Variants in RUNX2 observed in about 807,000 individuals in gnomAD.
RUNX2 encodes the protein RUNX family transcription factor 2.
Under a neutral mutation model 51.7 loss-of-function variants are expected in RUNX2, and 10 were observed. The ratio of observed to expected loss-of-function variants is 0.19; its 90% CI spans 0.12 to 0.33. The LOEUF (loss-of-function observed/expected upper bound fraction) is 0.33, where lower values mean the gene tolerates loss of function less well. RUNX2 is among the 10% of genes least tolerant of loss of function. The probability of loss-of-function intolerance (pLI) is 1.00; values close to 1 mark genes in which losing one functional copy is unlikely to be tolerated. For synonymous variants in RUNX2, 276 were observed against 273.6 expected (o/e 1.01, Z -0.09); for missense variants, 562 against 691.3 (o/e 0.81, Z 2.10).
intron 3 of RUNX2, among the ~76,000 whole-genome samples, chr6:45,425,421 C>T (rs1453490921): frequency 6.6e-6 from 1 of 152,160 alleles, no homozygotes; most frequent in African/African-American, 2.4e-5. Context: ...GTTAATCACA[C>T]AGAGTACATT....
At chr6:45,405,922 C>T (rs1294948400) in intron 2 of RUNX2, among the ~76,000 whole-genome samples, 2 of 152,120 alleles carry the variant, frequency 1.3e-5, no homozygotes, top group Non-Finnish European at 2.9e-5. Context: ...CACCCTGTGC[C>T]TCTCACTTTC....
In RUNX2 at chr6:45,549,211, G is replaced by A. The variant is rs1250318786; in HGVS notation, c.*1906G>A. The A allele has an allele frequency of 2.0e-5, 8 of 398,326 alleles. No individual in the cohort carries two copies. Among genetic ancestry groups the A allele is most frequent in the Non-Finnish European group, 3.1e-5 (7 of 226,064 alleles). The allele number at this position is 398,326 out of a possible 1,614,324, so 24.7% of individuals were successfully genotyped here. On this transcript the variant is annotated 3_prime_UTR_variant, in exon 9 of 9. Coordinates refer to ENST00000647337, the MANE Select transcript of RUNX2 (RefSeq NM_001024630.4). ...CAGGCCAATCCCTGCTCTCCTCCCC[G>A]AAAAGTCAGGGTCCCTTCATTGGAA...
chr6:45,472,179 T>G (rs1799821988), intron 5 of RUNX2, among the ~76,000 whole-genome samples: 1 of 152,222 alleles, frequency 6.6e-6, no homozygotes, highest in African/African-American at 2.4e-5. Context: ...TCCCCTGGAT[T>G]GTTAAAAACA....
chr6:45,528,620 C>CAA (rs1244995164), intron 7 of RUNX2, among the ~76,000 whole-genome samples: 1 of 137,910 alleles, frequency 7.3e-6, no homozygotes, highest in Non-Finnish European at 1.6e-5. Context: ...GACTCTGTCT[C>CAA]AAAAAAAAAA....
At chr6:45,363,299 T>C (rs1315279161) in intron 2 of RUNX2, among the ~76,000 whole-genome samples, 1 of 152,184 alleles carries the variant, frequency 6.6e-6, no homozygotes, top group Non-Finnish European at 1.5e-5. Context: ...AGGACATCTG[T>C]TTTTAACTTT....
chr6:45,459,509 A>T (rs1163224713), intron 5 of RUNX2, among the ~76,000 whole-genome samples: 1 of 152,222 alleles, frequency 6.6e-6, no homozygotes, highest in Non-Finnish European at 1.5e-5. Flanking sequence ...TCCTGGAGAT[A>T]GTGCTATAAT....
intron 2 of RUNX2, among the ~76,000 whole-genome samples, chr6:45,415,301 A>G (rs1205029704): frequency 1.3e-5 from 2 of 152,240 alleles, no homozygotes; most frequent in African/African-American, 4.8e-5. Flanking sequence ...GAATACAGGA[A>G]TAACAGCATC....
chr6:45,520,403 G>A (rs975660908), intron 7 of RUNX2, among the ~76,000 whole-genome samples: 6 of 152,172 alleles, frequency 3.9e-5, no homozygotes, highest in African/African-American at 1.4e-4. Context: ...TGGTGGTCAT[G>A]CATACCAATT....
At chr6:45,379,832 C>A (rs1206482926) in intron 2 of RUNX2, among the ~76,000 whole-genome samples, 1 of 151,958 alleles carries the variant, frequency 6.6e-6, no homozygotes, top group Non-Finnish European at 1.5e-5. Context: ...CGCCGCTGCT[C>A]TCCAGCCTGG....
At chr6:45,376,340 G>A (rs1350107206) in intron 2 of RUNX2, among the ~76,000 whole-genome samples, 2 of 152,152 alleles carry the variant, frequency 1.3e-5, no homozygotes, top group Admixed American at 6.5e-5. Context: ...ATCAAGACTC[G>A]GAAGGACTCT....
chr6:45,402,426 G>T (rs1189601363), intron 2 of RUNX2, among the ~76,000 whole-genome samples: 1 of 152,114 alleles, frequency 6.6e-6, no homozygotes, highest in African/African-American at 2.4e-5. Flanking sequence ...GCCCTGAAAT[G>T]TTTTCATCCA....
intron 7 of RUNX2, among the ~76,000 whole-genome samples, chr6:45,543,551 G>A (rs1030803686): frequency 2.0e-5 from 3 of 152,132 alleles, no homozygotes; most frequent in Non-Finnish European, 4.4e-5. Flanking sequence ...TTTATATTTA[G>A]AAAATCAGAT....
intron 5 of RUNX2, among the ~76,000 whole-genome samples, chr6:45,439,654 CGT>C (rs1435263653): frequency 6.6e-6 from 1 of 151,442 alleles, no homozygotes; most frequent in Non-Finnish European, 1.5e-5. Context: ...AAACCATTTG[CGT>C]GTGTTTGTGT....
chr6:45,382,841 C>T (rs545352483), intron 2 of RUNX2, among the ~76,000 whole-genome samples: 7 of 152,262 alleles, frequency 4.6e-5, no homozygotes, highest in Non-Finnish European at 8.8e-5. Flanking sequence ...ATGATGGTAG[C>T]TTGTACTAGG....
chr6:45,536,800 A>T (rs373630559), intron 7 of RUNX2, among the ~76,000 whole-genome samples: 1 of 152,190 alleles, frequency 6.6e-6, no homozygotes, highest in African/African-American at 2.4e-5. Flanking sequence ...ATCTGAAAAC[A>T]TTGGGCTTTG....
At chr6:45,437,736 A>G (rs1798724656) in intron 4 of RUNX2, among the ~76,000 whole-genome samples, 1 of 152,178 alleles carries the variant, frequency 6.6e-6, no homozygotes, top group African/African-American at 2.4e-5. Context: ...CACTACAATG[A>G]GGACGATGAT....
chr6:45,352,322 C>G (rs1161023968), intron 2 of RUNX2, among the ~76,000 whole-genome samples: 2 of 151,958 alleles, frequency 1.3e-5, no homozygotes, highest in African/African-American at 4.8e-5. Flanking sequence ...GTTTATGCAC[C>G]AAAGATCAAG....
At chr6:45,492,547 G>A (rs778582573) in intron 6 of RUNX2, among the ~76,000 whole-genome samples, 7 of 152,144 alleles carry the variant, frequency 4.6e-5, no homozygotes, top group Non-Finnish European at 8.8e-5. Flanking sequence ...TGCCCAGGGC[G>A]AACAGGAAGC....
chr6:45,460,755 G>C (rs1190234643), intron 5 of RUNX2, among the ~76,000 whole-genome samples: 1 of 138,974 alleles, frequency 7.2e-6, no homozygotes, highest in Non-Finnish European at 1.6e-5. Flanking sequence ...GGGCAGTATA[G>C]CAAGACCCCA....
Sources: allele counts gnomAD v4.1 joint callset (sites outside exome capture counted in the v4.1 genomes callset), GRCh38; gene constraint gnomAD v4.1.1; transcripts MANE v1.5; gene names NCBI Gene and HGNC (gene_info 2026-07-23, HGNC 2026-07-21).